The following LNX1 variants were observed in gnomAD, a reference collection of about 807,000 sequenced individuals.
LNX1 encodes the protein E3 ubiquitin-protein ligase LNX.
In LNX1, 54 loss-of-function variants were observed where a neutral mutation model predicts 68.4. The ratio of observed to expected loss-of-function variants is 0.79; its 90% confidence interval spans 0.63 to 0.99. LNX1 has a LOEUF of 0.99. LNX1 is among the 50% of genes least tolerant of loss of function. The pLI, the probability that LNX1 is intolerant of heterozygous loss-of-function variation, is 0.00. For missense variants in LNX1, 906 were observed against 926.4 expected, an observed-to-expected ratio of 0.98 and a Z score of 0.29; for synonymous variants, 336 against 350.0, an observed-to-expected ratio of 0.96 and a Z score of 0.45.
At chr4:53,465,889 TCTTA>T (rs1015196136) in intron 9 of LNX1, among the ~76,000 whole-genome samples, 4 of 152,230 alleles carry the variant, frequency 2.6e-5, no homozygotes, top group African/African-American at 9.6e-5. Flanking sequence ...ACATTTTTAA[TCTTA>T]CTAACTTAAA....
chr4:53,500,196 A>G (rs2109484715), intron 4 of LNX1: 1 of 152,214 alleles, frequency 6.6e-6, no homozygotes, highest in South Asian at 2.1e-4. Context: ...GTTCACAGCC[A>G]GGCCAGAGCC....
At chr4:53,631,154 A>G (rs1214591842) in intron 1 of LNX1, among the ~76,000 whole-genome samples, 1 of 152,038 alleles carries the variant, frequency 6.6e-6, no homozygotes, top group Non-Finnish European at 1.5e-5. Flanking sequence ...CTACTTGGAG[A>G]CAGTTTTAGT....
intron 2 of LNX1, among the ~76,000 whole-genome samples, chr4:53,535,368 A>C (rs1577675715): frequency 1.3e-5 from 2 of 152,176 alleles, no homozygotes; most frequent in South Asian, 4.1e-4. Flanking sequence ...ATGACACAAA[A>C]CATACATTTT....
chr4:53,472,101 T>C (rs1723232623), intron 9 of LNX1, among the ~76,000 whole-genome samples: 1 of 152,156 alleles, frequency 6.6e-6, no homozygotes, highest in Non-Finnish European at 1.5e-5. Context: ...TTTCCAACAA[T>C]GATAGACTGG....
intron 2 of LNX1, among the ~76,000 whole-genome samples, chr4:53,569,690 G>A (rs1399726798): frequency 6.6e-6 from 1 of 150,658 alleles, no homozygotes; most frequent in African/African-American, 2.4e-5. Flanking sequence ...AAGAGCTTCT[G>A]CACAGCAAAA....
chr4:53,612,705 A>AT (rs71197034), intron 2 of LNX1, among the ~76,000 whole-genome samples: 46,687 of 145,262 alleles, frequency 0.32, 7,714 homozygotes, highest in East Asian at 0.53. Context: ...TAATTTTTGT[A>AT]TTTTTTTTTT....
At chr4:53,535,974 G>A (rs752579862) in intron 2 of LNX1, among the ~76,000 whole-genome samples, 1 of 152,138 alleles carries the variant, frequency 6.6e-6, no homozygotes, top group Non-Finnish European at 1.5e-5. Context: ...CAGTACTTCC[G>A]AGAGGTATTC....
At chr4:53,634,847 T>A (rs976796761) in intron 1 of LNX1, among the ~76,000 whole-genome samples, 4 of 151,854 alleles carry the variant, frequency 2.6e-5, no homozygotes, top group Admixed American at 6.6e-5. Context: ...TATTATTATT[T>A]TTTTAAGAGA....
intron 1 of LNX1, among the ~76,000 whole-genome samples, chr4:53,581,807 G>A (rs1369354): frequency 4.6e-5 from 7 of 151,846 alleles, no homozygotes; most frequent in African/African-American, 9.7e-5. Flanking sequence ...ACCATATCAC[G>A]CATCTTGTTT....
upstream of LNX1, among the ~76,000 whole-genome samples, chr4:53,621,331 C>T (rs1205321525): frequency 2.0e-5 from 3 of 152,172 alleles, no homozygotes; most frequent in African/African-American, 7.2e-5. Flanking sequence ...TGTCCCTTTT[C>T]GGCATCACGC....
At chr4:53,564,078 G>A (rs997886893) in intron 2 of LNX1, among the ~76,000 whole-genome samples, 2 of 152,222 alleles carry the variant, frequency 1.3e-5, no homozygotes, top group African/African-American at 4.8e-5. Context: ...CTCACAGGGT[G>A]CAGCTTAAAA....
chr4:53,623,275 C>G (rs953258029), intron 1 of LNX1, among the ~76,000 whole-genome samples: 1 of 150,354 alleles, frequency 6.7e-6, no homozygotes, highest in Non-Finnish European at 1.5e-5. Context: ...ATGATCTTGG[C>G]TCACTGCAAC....
chr4:53,529,781 T>C (rs1198092359), intron 2 of LNX1, among the ~76,000 whole-genome samples: 1 of 152,268 alleles, frequency 6.6e-6, no homozygotes, highest in East Asian at 1.9e-4. Flanking sequence ...TCAGCATCTG[T>C]GGGCCAGAGA....
intron 2 of LNX1, among the ~76,000 whole-genome samples, chr4:53,537,293 A>T (rs1429444254): frequency 6.6e-6 from 1 of 152,240 alleles, no homozygotes; most frequent in Non-Finnish European, 1.5e-5. Context: ...CAAATGGTAA[A>T]CAACACCCTT....
intron 1 of LNX1, among the ~76,000 whole-genome samples, chr4:53,616,833 G>T (rs1358643655): frequency 1.3e-5 from 2 of 152,182 alleles, no homozygotes; most frequent in African/African-American, 4.8e-5. Context: ...TAGGTAAATG[G>T]CAGAGTCTCA....
intron 2 of LNX1, among the ~76,000 whole-genome samples, chr4:53,601,728 G>A (rs1471493543): frequency 1.3e-5 from 2 of 152,134 alleles, no homozygotes; most frequent in African/African-American, 2.4e-5. Flanking sequence ...ATCTGAATTC[G>A]AAGCTAGGAG....
chr4:53,609,523 G>A (rs1050236007), intron 2 of LNX1, among the ~76,000 whole-genome samples: 10 of 146,812 alleles, frequency 6.8e-5, no homozygotes, highest in Non-Finnish European at 9.0e-5. Context: ...AAATTTTATA[G>A]CATTTAAAAT....
intron 2 of LNX1, among the ~76,000 whole-genome samples, chr4:53,561,405 T>C (rs924070518): frequency 1.3e-5 from 2 of 152,090 alleles, no homozygotes; most frequent in African/African-American, 4.8e-5. Flanking sequence ...TTTTTCTATT[T>C]TTAGTAGAGA....
chr4:53,584,923 A>G (rs1300087610), intron 1 of LNX1, among the ~76,000 whole-genome samples: 1 of 152,170 alleles, frequency 6.6e-6, no homozygotes, highest in East Asian at 1.9e-4. Context: ...TCAAAACATG[A>G]CACACACATC....
Sources: allele counts gnomAD v4.1 joint callset (sites outside exome capture counted in the v4.1 genomes callset), GRCh38; gene constraint gnomAD v4.1.1; transcripts MANE v1.5; gene names NCBI Gene and HGNC (gene_info 2026-07-23, HGNC 2026-07-21).